Variants in CENPE observed in about 807,000 individuals in gnomAD.
The protein encoded by CENPE is centromere-associated protein E.
CENPE carries 145 observed loss-of-function variants against 336.1 expected under a neutral mutation model. The observed-to-expected ratio is 0.43, with a 90% CI of 0.38 to 0.50. CENPE has a LOEUF of 0.50. Ranked by LOEUF, CENPE falls within the 20% of genes least tolerant of loss-of-function variation. The pLI, the probability that CENPE is intolerant of heterozygous loss-of-function variation, is 0.00. For synonymous variants in CENPE, 1,013 were observed against 984.8 expected, an observed-to-expected ratio of 1.03 and a Z score of -0.54; for missense variants, 2,719 against 3,023.3, an observed-to-expected ratio of 0.90 and a Z score of 2.36.
At chr4:103,145,427 A>T in intron 31 of CENPE, 93 bp from the exon 32 acceptor site, 1 of 1,407,794 alleles carries the variant, frequency 7.1e-7, no homozygotes, top group East Asian at 2.3e-5. Flanking sequence ...GTTGCTTCCC[A>T]AAACAATTAA....
chr4:103,178,383 T>C (rs903693278), intron 13 of CENPE, among the ~76,000 whole-genome samples: 1 of 152,162 alleles, frequency 6.6e-6, no homozygotes, highest in Non-Finnish European at 1.5e-5. Flanking sequence ...TCTGCAAACT[T>C]ATGACTCTAC....
At chr4:103,142,946 T>C (rs1190389027) in intron 34 of CENPE, among the ~76,000 whole-genome samples, 2 of 143,734 alleles carry the variant, frequency 1.4e-5, no homozygotes, top group South Asian at 2.2e-4. Flanking sequence ...GAGGCAGACA[T>C]TGCAGTGAGC....
chr4:103,147,551 T>C lies in CENPE; in HGVS notation c.3939A>G (p.Glu1313=), dbSNP rs1456429313. The C allele has an allele frequency of 6.2e-7, 1 of 1,614,032 alleles. No homozygotes were observed. The highest frequency in any genetic ancestry group is 1.1e-5 in the South Asian group (1 of 91,082). Residue 1313 remains glutamate, a synonymous_variant, in exon 29 of 49, where the codon GAA becomes GAG. Coordinates refer to ENST00000265148, the MANE Select transcript of CENPE (RefSeq NM_001813.3). ...TTGTTGAGTCCTTGGTTGTGGACTG[T>C]TCTGTTAATAACTCCAGTTCATTCA... ...ETMNELELLT[E]QSTTKDSTTL...
chr4:103,196,731 G>T, intron 2 of CENPE, 28 bp downstream of exon 2: 1 of 1,031,366 alleles, frequency 9.7e-7, no homozygotes, highest in Non-Finnish European at 1.5e-6. Flanking sequence ...GGATAACAAG[G>T]TAACTTTTGA....
At chr4:103,143,109 G>A in intron 34 of CENPE, 139 bp downstream of exon 34, 1 of 465,450 alleles carries the variant, frequency 2.1e-6, no homozygotes. Flanking sequence ...GATATAAAAA[G>A]ATCAATGATA....
intron 9 of CENPE, among the ~76,000 whole-genome samples, chr4:103,184,560 T>TC (rs1301089597): frequency 6.6e-6 from 1 of 152,064 alleles, no homozygotes; most frequent in Admixed American, 6.5e-5. Context: ...TAATTTTTTT[T>TC]CCCAAATGGC....
At chr4:103,175,027 T>C (rs1755737971) in intron 15 of CENPE, 124 bp from the exon 16 acceptor site, 1 of 578,566 alleles carries the variant, frequency 1.7e-6, no homozygotes, top group South Asian at 3.0e-5. Flanking sequence ...AAGTTCTACA[T>C]TTTGGCAAAC....
At chr4:103,131,092 C>G (rs1251453301) in intron 42 of CENPE, among the ~76,000 whole-genome samples, 1 of 152,016 alleles carries the variant, frequency 6.6e-6, no homozygotes, top group African/African-American at 2.4e-5. Flanking sequence ...AATTGATAAG[C>G]TAGACTTTTT....
chr4:103,134,401 G>T (rs1751878610), intron 40 of CENPE, among the ~76,000 whole-genome samples: 1 of 152,090 alleles, frequency 6.6e-6, no homozygotes, highest in South Asian at 2.1e-4. Flanking sequence ...TTGGGAGGCT[G>T]ACGTGGGCAG....
In CENPE at chr4:103,144,342, T is replaced by C; in HGVS notation, c.5134A>G (p.Thr1712Ala). The change falls in exon 33 of 49, where the codon ACT (threonine) becomes GCT (alanine). Residue 1712 changes from threonine to alanine, a missense_variant. Transcript: ENST00000265148. ...AGATGGTAACTCACTCTAGTTATAGTTTCTCTAAGGTTTTCCTTGAGCTGG... is the reference window on the plus strand; with the variant it reads ...AGATGGTAACTCACTCTAGTTATAGCTTCTCTAAGGTTTTCCTTGAGCTGG... The part of the protein sequence containing the change: ...RDQLKENLRE[T>A]ITRDLEKQEE... 3.7e-6 allele frequency: 6 copies of C among 1,602,742 alleles called. No homozygotes were observed. The highest frequency in any genetic ancestry group is 5.1e-6 in the Non-Finnish European group (6 of 1,176,668).
intron 8 of CENPE, among the ~76,000 whole-genome samples, chr4:103,187,566 A>C (rs1274339166): frequency 2.0e-5 from 3 of 152,326 alleles, no homozygotes; most frequent in Admixed American, 6.5e-5. Flanking sequence ...TAAGTGAAGG[A>C]GAAATAAAAT....
chr4:103,116,704 G>A lies in CENPE; in HGVS notation c.7330-15C>T. Reference sequence around the variant, plus strand: ...GCAACTTTGTCCTAAATTTTTTTTAGAGAAAATAAAAATAATTATTAGAGG... The same window carrying A: ...GCAACTTTGTCCTAAATTTTTTTTAAAGAAAATAAAAATAATTATTAGAGG... On this transcript the variant is annotated splice_polypyrimidine_tract_variant and intron_variant, in intron 44 of 48. Transcript: ENST00000265148. 7.1e-7 allele frequency: 1 copy of A among 1,409,950 alleles called. No homozygotes were observed. Among genetic ancestry groups the A allele is most frequent in the Non-Finnish European group, 9.7e-7 (1 of 1,027,130 alleles). 87.3% of individuals were successfully genotyped at this position (1,409,950 alleles called of 1,614,324 possible). A position where few individuals can be genotyped will look rare whatever the true frequency, so the allele number is the denominator to read the frequency against.
At chr4:103,123,209 A>C (rs1359904020) in intron 42 of CENPE, 120 bp from the exon 43 acceptor site, 5 of 707,380 alleles carry the variant, frequency 7.1e-6, no homozygotes, top group Non-Finnish European at 1.2e-5. Flanking sequence ...GAAAATATTA[A>C]ATGGGAAATT....
At chr4:103,194,497 A>G (rs1056979425) in intron 6 of CENPE, 56 bp from the exon 7 acceptor site, 5 of 1,471,088 alleles carry the variant, frequency 3.4e-6, no homozygotes, top group Non-Finnish European at 3.7e-6. Context: ...TAGAAACACA[A>G]TAATTTTTAT....
chr4:103,156,180 A>G (rs1753946405), intron 24 of CENPE, among the ~76,000 whole-genome samples: 1 of 152,218 alleles, frequency 6.6e-6, no homozygotes, highest in Admixed American at 6.5e-5. Context: ...CTACCATTTA[A>G]TGTAATCCCT....
At chr4:103,106,902 G>A (rs1748948472) in intron 48 of CENPE, among the ~76,000 whole-genome samples, 1 of 151,644 alleles carries the variant, frequency 6.6e-6, no homozygotes, top group Non-Finnish European at 1.5e-5. Context: ...ATTCAAGCTG[G>A]GACTATCTCA....
intron 42 of CENPE, among the ~76,000 whole-genome samples, chr4:103,131,146 G>A (rs1478306820): frequency 2.0e-5 from 3 of 152,094 alleles, no homozygotes; most frequent in Non-Finnish European, 4.4e-5. Context: ...TGCCAAGGGA[G>A]TGAGAAGACA....
In CENPE at chr4:103,138,385, G is replaced by A. The variant is rs2243682; in HGVS notation, c.6269C>T (p.Thr2090Met). Residue 2090 changes from threonine (T) to methionine (M), a missense_variant, in exon 39 of 49, where the codon ACG (threonine) becomes ATG (methionine). Physicochemically the swap from Thr to Met is moderately conservative, Grantham distance 81. This residue lies in a region of CENPE where 2,437 missense variants were observed against 2,513.3 expected (regional missense o/e 0.97). Transcript: ENST00000265148. Reference protein sequence around the residue: ...RLLSDGQQHLTESLREKCSRI... With the variant: ...RLLSDGQQHLMESLREKCSRI... ...AGAGCACTTTTCTCTCAGGCTTTCC[G>A]TAAGGTGCTGTTGTCCATCACTTAG... 303,925 of 1,611,188 alleles carry A rather than the reference G, an allele frequency of 0.19. 30,835 individuals are homozygous for A. The highest frequency in any genetic ancestry group is 0.2 in the Non-Finnish European group (237,128 of 1,177,528).
chr4:103,172,327 C>T (rs554112537), intron 16 of CENPE, among the ~76,000 whole-genome samples: 16 of 151,888 alleles, frequency 1.1e-4, no homozygotes, highest in South Asian at 2.1e-4. Flanking sequence ...CATGACATAC[C>T]GCATTAACAA....
Sources: allele counts gnomAD v4.1 joint callset (sites outside exome capture counted in the v4.1 genomes callset), GRCh38; gene constraint gnomAD v4.1.1; regional missense constraint gnomAD v4.1.1; transcripts MANE v1.5; gene names NCBI Gene and HGNC (gene_info 2026-07-23, HGNC 2026-07-21).